RANBP2: variants seen among roughly 807,000 people sequenced by gnomAD.
The protein encoded by RANBP2 is E3 SUMO-protein ligase RanBP2.
A neutral mutation model predicts 303.6 loss-of-function variants in RANBP2; 57 were observed. That is an observed-to-expected ratio of 0.19 (90% CI 0.15 to 0.23). RANBP2 has a LOEUF of 0.23. RANBP2 is among the 10% of genes least tolerant of loss of function. RANBP2 has a pLI of 1.00. For missense variants in RANBP2, 3,138 were observed against 3,780.8 expected, an observed-to-expected ratio of 0.83 and a Z score of 4.46; for synonymous variants, 1,167 against 1,301.5, an observed-to-expected ratio of 0.90 and a Z score of 2.23.
chr2:109,585,905 G>A, the RANBP2 span: 1 of 1,169,180 alleles, frequency 8.6e-7, no homozygotes, highest in Non-Finnish European at 1.3e-6. Context: ...TAGGATGTAG[G>A]CACACTTGAA....
At chr2:108,858,679 A>T in the RANBP2 span, among the ~76,000 whole-genome samples, 1 of 150,830 alleles carries the variant, frequency 6.6e-6, no homozygotes, top group Non-Finnish European at 1.5e-5. Flanking sequence ...CATATATTTA[A>T]TTTTCTCATG....
chr2:109,248,167 T>A, the RANBP2 span, among the ~76,000 whole-genome samples: 1 of 152,234 alleles, frequency 6.6e-6, no homozygotes, highest in Admixed American at 6.5e-5. Context: ...GAGGAGTTTT[T>A]AAAATATATT....
chr2:109,637,230 C>T, the RANBP2 span, among the ~76,000 whole-genome samples: 17 of 129,954 alleles, frequency 1.3e-4, no homozygotes, highest in Non-Finnish European at 1.8e-4. Context: ...GGCAGCATTT[C>T]TGTAAACATG....
the RANBP2 span, among the ~76,000 whole-genome samples, chr2:109,268,466 G>C: frequency 6.6e-6 from 1 of 152,128 alleles, no homozygotes; most frequent in Non-Finnish European, 1.5e-5. Flanking sequence ...TGTGGCTGCA[G>C]CAGCTCCTTT....
chr2:109,215,572 GT>G, the RANBP2 span, among the ~76,000 whole-genome samples: 1 of 152,110 alleles, frequency 6.6e-6, no homozygotes, highest in African/African-American at 2.4e-5. Context: ...GTCTGATGTA[GT>G]TTTTTGCCTG....
the RANBP2 span, among the ~76,000 whole-genome samples, chr2:109,193,632 C>A: frequency 5.9e-5 from 9 of 152,172 alleles, no homozygotes; most frequent in Admixed American, 3.3e-4. Context: ...CACCACATTT[C>A]TTTCTCCATT....
chr2:108,943,764 C>A, the RANBP2 span, among the ~76,000 whole-genome samples: 1 of 152,086 alleles, frequency 6.6e-6, no homozygotes, highest in East Asian at 1.9e-4. Context: ...GGCTGAGCAC[C>A]CCTCCTTTCT....
chr2:109,199,335 G>C, the RANBP2 span, among the ~76,000 whole-genome samples: 40 of 600 alleles, frequency 0.067, no homozygotes, highest in African/African-American at 0.15. Context: ...AAGTAAAATG[G>C]AATGGAATGG....
the RANBP2 span, among the ~76,000 whole-genome samples, chr2:109,172,714 C>T: frequency 2.6e-5 from 4 of 152,214 alleles, no homozygotes; most frequent in Admixed American, 2.0e-4. Flanking sequence ...GGACACATGT[C>T]TGCCCATGTT....
the RANBP2 span, among the ~76,000 whole-genome samples, chr2:109,426,814 T>G: frequency 6.6e-6 from 1 of 152,152 alleles, no homozygotes; most frequent in Admixed American, 6.5e-5. Flanking sequence ...TGCTGTCTTA[T>G]TTTAAGAAGT....
At chr2:109,491,385 C>T in the RANBP2 span, among the ~76,000 whole-genome samples, 1 of 152,216 alleles carries the variant, frequency 6.6e-6, no homozygotes, top group African/African-American at 2.4e-5. Context: ...TGTGATGTTA[C>T]TCAAGACGGC....
the RANBP2 span, among the ~76,000 whole-genome samples, chr2:109,096,089 T>C: frequency 8.5e-5 from 13 of 152,252 alleles, no homozygotes; most frequent in African/African-American, 2.9e-4. Flanking sequence ...TACGGTGATG[T>C]GAGATTCTAT....
chr2:108,910,543 A>G, the RANBP2 span: 4 of 1,610,288 alleles, frequency 2.5e-6, no homozygotes, highest in Non-Finnish European at 3.4e-6. Context: ...CTGCAGGGAA[A>G]TGGGGAGGTT....
chr2:109,110,128 A>T, the RANBP2 span, among the ~76,000 whole-genome samples: 1 of 152,214 alleles, frequency 6.6e-6, no homozygotes, highest in Non-Finnish European at 1.5e-5. Context: ...GCTGGAGTCT[A>T]GCACACACAG....
the RANBP2 span, among the ~76,000 whole-genome samples, chr2:109,095,036 G>A: frequency 6.6e-6 from 1 of 152,076 alleles, no homozygotes; most frequent in African/African-American, 2.4e-5. Context: ...CTAAATTAAG[G>A]TCAGATATCA....
chr2:108,883,568 AAG>A, the RANBP2 span: 1 of 152,248 alleles, frequency 6.6e-6, no homozygotes, highest in Non-Finnish European at 1.5e-5. Flanking sequence ...TGCCTTAATG[AAG>A]AGAGGATTCA....
At chr2:108,788,755 G>A (rs1462812607), downstream of RANBP2, 4 of 1,476,190 alleles carry the variant, frequency 2.7e-6, no homozygotes, top group Non-Finnish European at 3.6e-6. Context: ...TGAGAGAGAA[G>A]ATTTTAAAAA....
the RANBP2 span, among the ~76,000 whole-genome samples, chr2:108,913,211 A>T: frequency 6.6e-6 from 1 of 152,082 alleles, no homozygotes; most frequent in Non-Finnish European, 1.5e-5. Context: ...GGCCTCCCAA[A>T]GTGCTGGGAT....
chr2:109,207,260 T>G, the RANBP2 span, among the ~76,000 whole-genome samples: 1 of 152,282 alleles, frequency 6.6e-6, no homozygotes, highest in African/African-American at 2.4e-5. Flanking sequence ...CTGGATAATT[T>G]TGGTGTATGG....
Sources: allele counts gnomAD v4.1 joint callset (sites outside exome capture counted in the v4.1 genomes callset), GRCh38; gene constraint gnomAD v4.1.1; transcripts MANE v1.5; gene names NCBI Gene and HGNC (gene_info 2026-07-23, HGNC 2026-07-21).